The following SDK1 variants were observed in gnomAD, a reference collection of about 807,000 sequenced individuals.
The protein encoded by SDK1 is sidekick cell adhesion molecule 1.
Under a neutral mutation model 245.5 loss-of-function variants are expected in SDK1, and 157 were observed. That is an observed-to-expected ratio of 0.64 (90% CI 0.56 to 0.73). SDK1 has a LOEUF of 0.73. Ranked by LOEUF, SDK1 falls within the 30% of genes least tolerant of loss-of-function variation. The pLI is 0.00. For missense variants in SDK1, 3,583 were observed against 3,002.3 expected (o/e 1.19, Z -4.52); for synonymous variants, 1,647 against 1,278.5 (o/e 1.29, Z -6.15).
Position 4,127,756 on chromosome 7 carries a change from G to A in SDK1, c.3939+260G>A, listed in dbSNP as rs989979409. ...CACAGCCGGAGTGGAACTGACCTCC[G>A]GGCCTGCGCCTGACTCTGCCCTCGC... is the stretch of plus-strand genomic sequence containing the variant. On this transcript the variant is annotated intron_variant, in intron 26 of 44. Transcript: ENST00000404826. Among the ~76,000 whole-genome samples the A allele has an allele frequency of 1.2e-4, 18 of 152,336 alleles. No individual in the cohort carries two copies. The South Asian group carries it at 3.5e-3, about 30-fold the overall frequency.
At chr7:3,569,657 C>A (rs1780045897) in intron 1 of SDK1, among the ~76,000 whole-genome samples, 1 of 152,148 alleles carries the variant, frequency 6.6e-6, no homozygotes, top group Non-Finnish European at 1.5e-5. Flanking sequence ...AAGAGCAGAC[C>A]CTCAGGAAGT....
intron 4 of SDK1, among the ~76,000 whole-genome samples, chr7:3,813,851 T>A (rs1175680511): frequency 8.0e-6 from 1 of 124,702 alleles, no homozygotes; most frequent in African/African-American, 3.4e-5. Flanking sequence ...TTTGCATTTC[T>A]CTGATGGCCA....
chr7:3,739,356 A>G (rs554999864), intron 4 of SDK1, among the ~76,000 whole-genome samples: 40 of 152,136 alleles, frequency 2.6e-4, no homozygotes, highest in Non-Finnish European at 1.0e-4. Context: ...AGTTTACTTC[A>G]TTATTTCTTC....
intron 28 of SDK1, among the ~76,000 whole-genome samples, chr7:4,144,354 T>G (rs1460831531): frequency 6.6e-6 from 1 of 151,672 alleles, no homozygotes; most frequent in Non-Finnish European, 1.5e-5. Context: ...CGACAGCCAC[T>G]CTGGGGGCCT....
intron 5 of SDK1, among the ~76,000 whole-genome samples, chr7:3,935,413 A>G (rs748531856): frequency 2.0e-5 from 3 of 152,248 alleles, no homozygotes; most frequent in Non-Finnish European, 4.4e-5. Flanking sequence ...TTCTGTATCA[A>G]AGGACACTGT....
chr7:3,472,428 C>A (rs1185902607), intron 1 of SDK1, among the ~76,000 whole-genome samples: 1 of 152,016 alleles, frequency 6.6e-6, no homozygotes, highest in Non-Finnish European at 1.5e-5. Flanking sequence ...GGTTTACGAT[C>A]TAATTAGAGG....
intron 1 of SDK1, among the ~76,000 whole-genome samples, chr7:3,504,241 C>T (rs1248993828): frequency 8.4e-6 from 1 of 119,266 alleles, no homozygotes; most frequent in Non-Finnish European, 1.8e-5. Context: ...TATCAAAATC[C>T]CAGCTGGATG....
At chr7:3,810,849 A>G (rs1409750930) in intron 4 of SDK1, among the ~76,000 whole-genome samples, 1 of 152,164 alleles carries the variant, frequency 6.6e-6, no homozygotes, top group Admixed American at 6.5e-5. Flanking sequence ...ATCCGAAGAC[A>G]AGTTGTTTCT....
At chr7:3,968,558 C>T (rs1782250413) in intron 10 of SDK1, among the ~76,000 whole-genome samples, 1 of 152,162 alleles carries the variant, frequency 6.6e-6, no homozygotes, top group South Asian at 2.1e-4. Flanking sequence ...TCTTGTTTTC[C>T]TGCCTAATTT....
At chr7:3,488,091 C>T (rs1781756938) in intron 1 of SDK1, among the ~76,000 whole-genome samples, 1 of 152,146 alleles carries the variant, frequency 6.6e-6, no homozygotes, top group African/African-American at 2.4e-5. Context: ...TTTTTCAGTT[C>T]AACTCTTGTG....
At chr7:3,829,773 CTTCTG>C (rs1204387630) in intron 5 of SDK1, among the ~76,000 whole-genome samples, 2 of 152,132 alleles carry the variant, frequency 1.3e-5, no homozygotes, top group African/African-American at 4.8e-5. Context: ...AAAAGGAAGT[CTTCTG>C]TTCTGATATC....
In SDK1 at chr7:3,697,050, A is replaced by G. The variant is rs1157854223; in HGVS notation, c.713+54945A>G. On this transcript the variant is annotated intron_variant, in intron 4 of 44. Transcript: ENST00000404826. ...ATACTCTCTCAGGTTCTTAAACATA[A>G]GAATCAGAATATGAAAGGCATGTTT... Among the ~76,000 whole-genome samples the G allele has an allele frequency of 1.3e-5, 2 of 152,244 alleles. 1 individual carries two copies. Among genetic ancestry groups the G allele is most frequent in the Non-Finnish European group, 2.9e-5 (2 of 68,052 alleles).
At chr7:3,680,418 G>A (rs577206000) in intron 4 of SDK1, among the ~76,000 whole-genome samples, 6 of 152,208 alleles carry the variant, frequency 3.9e-5, no homozygotes, top group African/African-American at 9.6e-5. Flanking sequence ...GTATAAATGC[G>A]CACGTGATAA....
intron 4 of SDK1, among the ~76,000 whole-genome samples, chr7:3,646,148 C>T (rs1333752518): frequency 1.3e-5 from 2 of 152,198 alleles, no homozygotes; most frequent in Non-Finnish European, 2.9e-5. Context: ...TGAGCCACCA[C>T]ACCCAGCCTT....
At chr7:4,209,974 T>A (rs777272268) in intron 37 of SDK1, 51 bp from the exon 38 acceptor site, 2 of 1,441,594 alleles carry the variant, frequency 1.4e-6, no homozygotes, top group Non-Finnish European at 1.8e-6. Context: ...TGTATGTATA[T>A]GATCTATGTA....
chr7:4,114,381 C>T lies in SDK1; in HGVS notation c.3823+107C>T, dbSNP rs945748193. On this transcript the variant is annotated intron_variant, in intron 25 of 44. Coordinates refer to ENST00000404826, the MANE Select transcript of SDK1 (RefSeq NM_152744.4). The stretch of plus-strand genomic sequence containing the variant: ...AGTGGCGTCTCATTGGCCTGTCCCA[C>T]TTGTGTCTGTCTTGGAGCTTTCCTA... The T allele has an allele frequency of 8.2e-6, 7 of 848,554 alleles. No homozygotes were observed. In the East Asian group the frequency reaches 1.6e-4, roughly 19 times the overall value. The allele number at this position is 848,554 out of a possible 1,614,324, so 52.6% of individuals were successfully genotyped here. A position where few individuals can be genotyped will look rare whatever the true frequency, so the allele number is the denominator to read the frequency against.
intron 44 of SDK1, among the ~76,000 whole-genome samples, chr7:4,254,359 A>G (rs1411904732): frequency 6.6e-6 from 1 of 152,150 alleles, no homozygotes. Flanking sequence ...TCTATCTTTA[A>G]GTGAACTGAT....
chr7:3,984,889 TGTGCAGGCCA>T (rs1481665003), intron 13 of SDK1, among the ~76,000 whole-genome samples: 2 of 152,224 alleles, frequency 1.3e-5, no homozygotes, highest in Non-Finnish European at 2.9e-5. Context: ...CTGGTCTCTC[TGTGCAGGCCA>T]GTGCATTTTC....
chr7:4,213,935 C>T (rs1450038718), intron 38 of SDK1, among the ~76,000 whole-genome samples: 1 of 152,198 alleles, frequency 6.6e-6, no homozygotes, highest in African/African-American at 2.4e-5. Context: ...ACAGGCACCC[C>T]CCAGGTATAA....
Sources: gnomAD v4.1 joint callset for allele counts (sites outside exome capture counted in the v4.1 genomes callset) on GRCh38, gnomAD v4.1.1 for gene constraint, MANE v1.5 for transcripts, NCBI Gene and HGNC (gene_info 2026-07-23, HGNC 2026-07-21) for gene names.